PDE4D: variants seen among roughly 807,000 people sequenced by gnomAD.
PDE4D encodes phosphodiesterase 4D.
Under a neutral mutation model 87.4 loss-of-function variants are expected in PDE4D, and 24 were observed. The observed-to-expected ratio is 0.27, with a 90% CI of 0.20 to 0.39. The LOEUF (loss-of-function observed/expected upper bound fraction) is 0.39, where lower values mean the gene tolerates loss of function less well. Ranked by LOEUF, PDE4D falls within the 10% of genes least tolerant of loss-of-function variation. PDE4D has a pLI of 1.00. For synonymous variants in PDE4D, 384 were observed against 383.2 expected (o/e 1.00, Z -0.02); for missense variants, 714 against 1,041.0 (o/e 0.69, Z 4.32).
At chr5:59,998,873 G>C (rs1161339231) in intron 2 of PDE4D, among the ~76,000 whole-genome samples, 1 of 152,060 alleles carries the variant, frequency 6.6e-6, no homozygotes, top group Non-Finnish European at 1.5e-5. Context: ...AACACTACTA[G>C]CTATTGGGAA....
intron 1 of PDE4D, among the ~76,000 whole-genome samples, chr5:59,289,748 G>C (rs1767661558): frequency 6.6e-6 from 1 of 151,970 alleles, no homozygotes; most frequent in Non-Finnish European, 1.5e-5. Context: ...TATCCCATTT[G>C]CAGAAAATAT....
intron 2 of PDE4D, among the ~76,000 whole-genome samples, chr5:60,131,686 T>A (rs368624220): frequency 6.6e-6 from 1 of 152,202 alleles, no homozygotes; most frequent in Non-Finnish European, 1.5e-5. Flanking sequence ...CACAGGAATA[T>A]GCCCATATAA....
chr5:60,401,492 T>C (rs1355213222), intron 1 of PDE4D, among the ~76,000 whole-genome samples: 3 of 152,222 alleles, frequency 2.0e-5, no homozygotes, highest in African/African-American at 7.2e-5. Flanking sequence ...CCTGCCCTTA[T>C]GTTAAAAAAG....
At chr5:59,655,355 C>A (rs1231415217) in intron 1 of PDE4D, among the ~76,000 whole-genome samples, 2 of 152,074 alleles carry the variant, frequency 1.3e-5, no homozygotes, top group African/African-American at 4.8e-5. Flanking sequence ...TAAAAATTAA[C>A]TTAATTCCTT....
chr5:59,762,892 T>G (rs1284430146), intron 1 of PDE4D, among the ~76,000 whole-genome samples: 40 of 117,966 alleles, frequency 3.4e-4, no homozygotes, highest in African/African-American at 1.2e-3. Flanking sequence ...TATATATATA[T>G]AGCTTGCTCT....
At chr5:59,365,139 T>G (rs1782846118) in intron 1 of PDE4D, among the ~76,000 whole-genome samples, 1 of 152,072 alleles carries the variant, frequency 6.6e-6, no homozygotes, top group African/African-American at 2.4e-5. Flanking sequence ...TAACATGAGC[T>G]CTTATTTAAG....
At chr5:59,616,893 G>T (rs10058879) in intron 1 of PDE4D, among the ~76,000 whole-genome samples, 5,109 of 102,410 alleles carry the variant, frequency 0.05, 163 homozygotes, top group African/African-American at 0.089. Context: ...GTTTAACTTT[G>T]TGTATTACTT....
At chr5:59,988,529 C>G in exon 3 of PDE4D, 1 of 1,599,184 alleles carries the variant, frequency 6.3e-7, no homozygotes. Context: ...GCGGCAGAAT[C>G]TTCAGGGGGA....
At chr5:59,148,514 GGA>G (rs1432509643) in intron 5 of PDE4D, among the ~76,000 whole-genome samples, 3 of 152,132 alleles carry the variant, frequency 2.0e-5, no homozygotes, top group Non-Finnish European at 4.4e-5. Flanking sequence ...CAAACAGTGT[GGA>G]GAGGGTGAAA....
chr5:59,564,731 T>C (rs560255684), intron 1 of PDE4D, among the ~76,000 whole-genome samples: 2 of 152,076 alleles, frequency 1.3e-5, no homozygotes, highest in Admixed American at 1.3e-4. Flanking sequence ...GTCAGGCAGG[T>C]GGTGATGACA....
intron 2 of PDE4D, among the ~76,000 whole-genome samples, chr5:59,211,012 A>G (rs1011601661): frequency 1.3e-5 from 2 of 152,200 alleles, no homozygotes; most frequent in African/African-American, 4.8e-5. Flanking sequence ...AGTGATTGTT[A>G]TTCAGATGCT....
intron 2 of PDE4D, among the ~76,000 whole-genome samples, chr5:60,132,913 A>T (rs148189311): frequency 1.3e-5 from 2 of 152,296 alleles, no homozygotes; most frequent in East Asian, 3.9e-4. Context: ...AATGCATGAC[A>T]TGGGTAAAGG....
chr5:59,822,236 A>G (rs1161185646), intron 1 of PDE4D, among the ~76,000 whole-genome samples: 2 of 152,218 alleles, frequency 1.3e-5, no homozygotes, highest in South Asian at 4.1e-4. Flanking sequence ...AATTAGAGAT[A>G]GGGAAACCCA....
At chr5:59,603,347 A>C (rs1403340091) in intron 1 of PDE4D, among the ~76,000 whole-genome samples, 1 of 152,036 alleles carries the variant, frequency 6.6e-6, no homozygotes, top group Non-Finnish European at 1.5e-5. Context: ...GGAACTAAAA[A>C]GACATTTTTC....
chr5:59,917,345 A>G (rs1166635282), intron 3 of PDE4D, among the ~76,000 whole-genome samples: 2 of 152,074 alleles, frequency 1.3e-5, no homozygotes, highest in African/African-American at 4.8e-5. Flanking sequence ...AGCTGGTCTC[A>G]ATGGGGAACA....
At chr5:60,238,558 T>C (rs1746691480) in intron 1 of PDE4D, among the ~76,000 whole-genome samples, 1 of 152,034 alleles carries the variant, frequency 6.6e-6, no homozygotes, top group South Asian at 2.1e-4. Context: ...TAAAACTGGT[T>C]GGTATGAAAT....
intron 1 of PDE4D, among the ~76,000 whole-genome samples, chr5:59,309,608 G>T (rs1461078273): frequency 6.6e-6 from 1 of 152,144 alleles, no homozygotes; most frequent in Non-Finnish European, 1.5e-5. Context: ...ACAGTATTTG[G>T]GGTGTTTCCC....
intron 2 of PDE4D, among the ~76,000 whole-genome samples, chr5:60,102,756 T>C (rs1356808388): frequency 6.6e-6 from 1 of 152,122 alleles, no homozygotes; most frequent in Non-Finnish European, 1.5e-5. Context: ...TTTGCAACCA[T>C]GGGGTCATAT....
intron 1 of PDE4D, among the ~76,000 whole-genome samples, chr5:59,353,361 AT>A (rs33953218): frequency 0.56 from 82,039 of 147,272 alleles, 23,010 homozygotes; most frequent in African/African-American, 0.67. Flanking sequence ...GTTTTTCCCC[AT>A]TTTTTTTTTT....
Sources: gnomAD v4.1 joint callset for allele counts (sites outside exome capture counted in the v4.1 genomes callset) on GRCh38, gnomAD v4.1.1 for gene constraint, MANE v1.5 for transcripts, NCBI Gene and HGNC (gene_info 2026-07-23, HGNC 2026-07-21) for gene names.